KLHL24: variants seen among roughly 807,000 people sequenced by gnomAD.
KLHL24 encodes kelch like family member 24.
In KLHL24, 29 loss-of-function variants were observed where a neutral mutation model predicts 53.4. The ratio of observed to expected loss-of-function variants is 0.54; its 90% CI spans 0.40 to 0.74. KLHL24 has a LOEUF of 0.74. Ranked by LOEUF, KLHL24 falls within the 30% of genes least tolerant of loss-of-function variation. The pLI is 0.00. For missense variants in KLHL24, 504 were observed against 744.0 expected, an observed-to-expected ratio of 0.68 and a Z score of 3.75; for synonymous variants, 222 against 253.7, an observed-to-expected ratio of 0.88 and a Z score of 1.19.
intron 2 of KLHL24, among the ~76,000 whole-genome samples, chr3:183,648,335 G>A (rs1457482118): frequency 4.6e-5 from 7 of 152,170 alleles, no homozygotes; most frequent in Non-Finnish European, 1.0e-4. Flanking sequence ...ATTTCCCTTT[G>A]TGTCACTTAA....
At position 183,680,637 on chromosome 3, in the gene KLHL24, A is replaced by C. The variant is rs1443987386; in HGVS notation, c.*1351A>C. On this transcript the variant is annotated 3_prime_UTR_variant, in exon 8 of 8. Coordinates refer to ENST00000242810, the MANE Select transcript of KLHL24 (RefSeq NM_017644.3). ...CAGACTGCTTTTGTCTAGATTTCTC[A>C]ACTCCACTTTATAAAGCTTATCAGT... is the stretch of plus-strand genomic sequence containing the variant. 1.3e-5 allele frequency: 2 copies of C among 152,202 alleles called. No individual in the cohort carries two copies. Among genetic ancestry groups the C allele is most frequent in the Non-Finnish European group, 2.9e-5 (2 of 68,028 alleles). The allele number at this position is 152,202 out of a possible 1,614,324, so 9.4% of individuals were successfully genotyped here.
intron 7 of KLHL24, among the ~76,000 whole-genome samples, chr3:183,673,703 A>G (rs1174593048): frequency 6.6e-6 from 1 of 151,988 alleles, no homozygotes; most frequent in Admixed American, 6.6e-5. Flanking sequence ...CTCTACACAT[A>G]CCACTCTAGA....
chr3:183,656,737 A>T (rs1718951845), intron 3 of KLHL24, among the ~76,000 whole-genome samples: 1 of 151,920 alleles, frequency 6.6e-6, no homozygotes, highest in Admixed American at 6.6e-5. Context: ...TCCCTGACTG[A>T]TGTTTCACAT....
chr3:183,641,474 CAAAA>C (rs202119480), intron 1 of KLHL24, among the ~76,000 whole-genome samples: 5 of 70,262 alleles, frequency 7.1e-5, no homozygotes, highest in Admixed American at 1.7e-4. Context: ...GAGACTGTCT[CAAAA>C]AAAAAAAAAA....
chr3:183,667,875 C>G (rs1046674331), intron 5 of KLHL24, among the ~76,000 whole-genome samples: 2 of 151,724 alleles, frequency 1.3e-5, no homozygotes, highest in Non-Finnish European at 2.9e-5. Context: ...CACCATCACA[C>G]CTAATTTTGG....
At chr3:183,657,801 A>G (rs935085398) in intron 3 of KLHL24, among the ~76,000 whole-genome samples, 13 of 152,182 alleles carry the variant, frequency 8.5e-5, no homozygotes. Context: ...TTGAACTCAA[A>G]TATTTTTACA....
At chr3:183,653,111 C>G (rs1718358761) in intron 3 of KLHL24, among the ~76,000 whole-genome samples, 2 of 152,206 alleles carry the variant, frequency 1.3e-5, no homozygotes, top group African/African-American at 4.8e-5. Flanking sequence ...GGGAACAAAT[C>G]TATTTCCACA....
rs149312217 is a variant in KLHL24, at chr3:183,683,904, T to C, written c.*4618T>C. On this transcript the variant is annotated 3_prime_UTR_variant, in exon 8 of 8. Transcript: ENST00000242810. ...TTGTGTAATAAGCACCAACGTGTGG[T>C]TGCTTGGCAGAATGAGAATGTTAAG... 605 of 152,738 alleles carry C rather than the reference T, an allele frequency of 4.0e-3. No individual in the cohort carries two copies. Among genetic ancestry groups the C allele is most frequent in the African/African-American group, 0.014 (589 of 41,562 alleles). 9.5% of individuals were successfully genotyped at this position (152,738 alleles called of 1,614,324 possible).
chr3:183,639,407 G>C (rs1469227310), intron 1 of KLHL24, among the ~76,000 whole-genome samples: 4 of 151,892 alleles, frequency 2.6e-5, no homozygotes, highest in Admixed American at 2.6e-4. Flanking sequence ...AAGGCGGGCA[G>C]ATCACAAGGT....
intron 3 of KLHL24, among the ~76,000 whole-genome samples, chr3:183,653,552 A>G (rs1175838728): frequency 1.3e-5 from 2 of 152,250 alleles, no homozygotes; most frequent in Admixed American, 1.3e-4. Flanking sequence ...AAGGCAGTTA[A>G]TTATACTGTG....
At chr3:183,667,339 C>T (rs1025119141) in intron 5 of KLHL24, among the ~76,000 whole-genome samples, 5 of 152,106 alleles carry the variant, frequency 3.3e-5, no homozygotes, top group South Asian at 2.1e-4. Flanking sequence ...TCGCTTCTGG[C>T]GGAGTTTGCA....
rs1334899084 is a variant in KLHL24, at chr3:183,682,073, T to A, written c.*2787T>A. 2.0e-5 allele frequency: 3 copies of A among 152,178 alleles called. No individual in the cohort carries two copies. The highest frequency in any genetic ancestry group is 7.2e-5 in the African/African-American group (3 of 41,426). 9.4% of individuals were successfully genotyped at this position (152,178 alleles called of 1,614,324 possible). ...TTATTTGGGCATTTCTAGAACTTTTTACATTTGAAAGTACATGATGAGTAT... is the reference window on the plus strand; with the variant it reads ...TTATTTGGGCATTTCTAGAACTTTTAACATTTGAAAGTACATGATGAGTAT... On this transcript the variant is annotated 3_prime_UTR_variant, in exon 8 of 8. Coordinates refer to ENST00000242810, the MANE Select transcript of KLHL24 (RefSeq NM_017644.3).
chr3:183,672,485 G>C lies in KLHL24; in HGVS notation c.1602+1G>C. ...CGTACAGAATACATTCAGCCGTCAGGTAATAACATAAAGCAGTACAAAAGA... is the reference window on the plus strand; with the variant it reads ...CGTACAGAATACATTCAGCCGTCAGCTAATAACATAAAGCAGTACAAAAGA... On this transcript the variant is annotated splice_donor_variant, in intron 7 of 7. Transcript: ENST00000242810. LOFTEE classifies it high-confidence loss of function. 6.3e-7 allele frequency: 1 copy of C among 1,597,868 alleles called. No homozygotes were observed. The highest frequency in any genetic ancestry group is 8.5e-7 in the Non-Finnish European group (1 of 1,170,390).
intron 7 of KLHL24, among the ~76,000 whole-genome samples, chr3:183,677,422 T>G (rs148687374): frequency 2.2e-3 from 328 of 152,304 alleles, no homozygotes; most frequent in Non-Finnish European, 4.1e-3. Context: ...AATTAAAGTG[T>G]CTTTCACTAT....
intron 2 of KLHL24, among the ~76,000 whole-genome samples, chr3:183,648,551 T>C (rs1027740633): frequency 2.0e-5 from 3 of 152,076 alleles, no homozygotes; most frequent in African/African-American, 7.2e-5. Flanking sequence ...TTTCAAGAAG[T>C]TGGGAATGGT....
At chr3:183,657,108 C>T (rs78607602) in intron 3 of KLHL24, among the ~76,000 whole-genome samples, 3 of 151,504 alleles carry the variant, frequency 2.0e-5, no homozygotes, top group African/African-American at 7.3e-5. Flanking sequence ...TGTCCTGATC[C>T]ACATCCTTAG....
chr3:183,640,130 G>C (rs1576871526), intron 1 of KLHL24, among the ~76,000 whole-genome samples: 2 of 152,120 alleles, frequency 1.3e-5, no homozygotes, highest in South Asian at 4.2e-4. Flanking sequence ...ATACCTAAAA[G>C]AAACATGTTA....
chr3:183,681,416 T>C lies in KLHL24; in HGVS notation c.*2130T>C, dbSNP rs1417811899. Reference sequence around the variant, plus strand: ...TTCTCAAGACAACTTTATATTCTAGTATTTTTCTGTTGTAAAAAGTATTAA... The same window carrying C: ...TTCTCAAGACAACTTTATATTCTAGCATTTTTCTGTTGTAAAAAGTATTAA... On this transcript the variant is annotated 3_prime_UTR_variant, in exon 8 of 8. Transcript: ENST00000242810. 1 of 152,274 alleles carries C rather than the reference T, an allele frequency of 6.6e-6. No homozygotes were observed. Among genetic ancestry groups the C allele is most frequent in the East Asian group, 1.9e-4 (1 of 5,198 alleles). 9.4% of individuals were successfully genotyped at this position (152,274 alleles called of 1,614,324 possible).
At chr3:183,640,365 T>C (rs958886143) in intron 1 of KLHL24, among the ~76,000 whole-genome samples, 3 of 152,196 alleles carry the variant, frequency 2.0e-5, no homozygotes, top group African/African-American at 7.2e-5. Context: ...GACAATAGTA[T>C]TCTTTTTTAG....
Sources: gnomAD v4.1 joint callset for allele counts (sites outside exome capture counted in the v4.1 genomes callset) on GRCh38, gnomAD v4.1.1 for gene constraint, MANE v1.5 for transcripts, NCBI Gene and HGNC (gene_info 2026-07-23, HGNC 2026-07-21) for gene names.